Variants in DUS2 observed in about 807,000 individuals in gnomAD.
DUS2 encodes tRNA-dihydrouridine(20) synthase [NAD(P)+]-like.
Under a neutral mutation model 71.3 loss-of-function variants are expected in DUS2, and 52 were observed. The observed-to-expected ratio is 0.73, with a 90% CI of 0.58 to 0.92. The LOEUF is 0.92. Ranked by LOEUF, DUS2 falls within the 40% of genes least tolerant of loss-of-function variation. The probability of loss-of-function intolerance (pLI) is 0.00; values close to 1 mark genes in which losing one functional copy is unlikely to be tolerated. For synonymous variants in DUS2, 204 were observed against 227.8 expected (o/e 0.90, Z 0.94); for missense variants, 558 against 622.6 (o/e 0.90, Z 1.10).
chr16:68,034,588 A>T (rs1461330096), intron 2 of DUS2, among the ~76,000 whole-genome samples: 2 of 151,834 alleles, frequency 1.3e-5, no homozygotes, highest in Non-Finnish European at 2.9e-5. Context: ...CTTGTCTCAA[A>T]CTCCTGAGCT....
chr16:68,048,719 T>C (rs959187680), intron 3 of DUS2, among the ~76,000 whole-genome samples: 3 of 152,124 alleles, frequency 2.0e-5, no homozygotes, highest in Non-Finnish European at 2.9e-5. Context: ...CTGGGGCTCA[T>C]AGGGAGTCAG....
At position 68,061,047 on chromosome 16, in the gene DUS2, T is replaced by G. The variant is rs765562701; in HGVS notation, c.370-19T>G. 6.2e-7 allele frequency: 1 copy of G among 1,613,158 alleles called. No individual in the cohort carries two copies. Among genetic ancestry groups the G allele is most frequent in the Non-Finnish European group, 8.5e-7 (1 of 1,179,398 alleles). ...GTGTCTCCCAGATGTAAGAAGACCT[T>G]TTGTGTGTTTCTCCTTAGGGAGGAA... On this transcript the variant is annotated intron_variant, in intron 7 of 16. Coordinates refer to ENST00000565263, the MANE Select transcript of DUS2 (RefSeq NM_017803.5).
chr16:68,049,457 A>C (rs1246634305), intron 3 of DUS2, 48 bp from the exon 4 acceptor site: 1 of 1,602,714 alleles, frequency 6.2e-7, no homozygotes, highest in East Asian at 2.2e-5. Context: ...CTTCATGCCC[A>C]GAGCCTACAT....
chr16:68,053,019 A>G (rs1347021579), intron 4 of DUS2, among the ~76,000 whole-genome samples: 8 of 144,750 alleles, frequency 5.5e-5, no homozygotes, highest in African/African-American at 1.8e-4. Flanking sequence ...CTGGAGTGCA[A>G]TGGCGCGATC....
intron 7 of DUS2, 139 bp downstream of exon 7, chr16:68,056,563 G>T: frequency 1.5e-6 from 1 of 653,872 alleles, no homozygotes; most frequent in Non-Finnish European, 2.7e-6. Flanking sequence ...ATCGTTAGAT[G>T]AACTGACAAC....
intron 2 of DUS2, among the ~76,000 whole-genome samples, chr16:68,031,136 A>T (rs1174826885): frequency 1.3e-5 from 2 of 151,682 alleles, no homozygotes; most frequent in Non-Finnish European, 2.9e-5. Context: ...ACTGAAGACA[A>T]CTCTGGCTTT....
intron 3 of DUS2, among the ~76,000 whole-genome samples, chr16:68,044,360 A>G (rs1407054505): frequency 2.0e-5 from 3 of 151,776 alleles, no homozygotes; most frequent in African/African-American, 7.3e-5. Context: ...CCAATCCATG[A>G]ACATGAGATG....
rs540350075 is a variant in DUS2, at chr16:68,043,988, A to C, written c.127-5517A>C. Among the ~76,000 whole-genome samples the C allele has an allele frequency of 3.9e-5, 6 of 152,186 alleles. No homozygotes were observed. In the South Asian group the frequency reaches 1.2e-3, roughly 32 times the overall value. On this transcript the variant is annotated intron_variant, in intron 3 of 16. Transcript: ENST00000565263. ...TCTGTGCTCTTGTAAAAAATCAATTAATCATAGATGTTTTGATTTGATTTA... is the reference window on the plus strand; with the variant it reads ...TCTGTGCTCTTGTAAAAAATCAATTCATCATAGATGTTTTGATTTGATTTA...
rs556536835 is a variant in DUS2 at position 68,052,059 on chromosome 16, C to T, written c.173-1505C>T. Among the ~76,000 whole-genome samples the T allele has an allele frequency of 2.0e-5, 3 of 152,120 alleles. No individual in the cohort carries two copies. The East Asian group carries it at 5.8e-4, about 29-fold the overall frequency. On this transcript the variant is annotated intron_variant, in intron 4 of 16. Transcript: ENST00000565263. Reference sequence around the variant, plus strand: ...GACTACAGGTGTGTGCCACCACACCCAGCTAATTTTTTTTTTTGTATTTTA... The same window carrying T: ...GACTACAGGTGTGTGCCACCACACCTAGCTAATTTTTTTTTTTGTATTTTA...
At chr16:68,070,742 A>G (rs1361704146) in intron 11 of DUS2, among the ~76,000 whole-genome samples, 198 bp from the exon 12 acceptor site, 1 of 152,230 alleles carries the variant, frequency 6.6e-6, no homozygotes, top group Non-Finnish European at 1.5e-5. Flanking sequence ...GGCACTCTAC[A>G]TGTATTATCT....
At chr16:68,054,641 C>T (rs774817124) in intron 6 of DUS2, 24 bp downstream of exon 6, 1 of 1,614,092 alleles carries the variant, frequency 6.2e-7, no homozygotes, top group Non-Finnish European at 8.5e-7. Flanking sequence ...CTGTCTTTAG[C>T]ACTGCCTTTG....
chr16:68,075,313 C>G, intron 13 of DUS2, 42 bp from the exon 14 acceptor site: 1 of 1,506,472 alleles, frequency 6.6e-7, no homozygotes, highest in Non-Finnish European at 8.9e-7. Flanking sequence ...TGGATGCTGG[C>G]TCCGCTAAAG....
intron 10 of DUS2, 66 bp downstream of exon 10, chr16:68,066,702 T>C (rs2034009872): frequency 6.6e-7 from 1 of 1,516,174 alleles, no homozygotes; most frequent in African/African-American, 1.4e-5. Context: ...CCTTCCTTAA[T>C]TGATCTGTCA....
intron 8 of DUS2, 71 bp from the exon 9 acceptor site, chr16:68,066,246 G>A (rs1054323473): frequency 7.1e-7 from 1 of 1,399,788 alleles, no homozygotes; most frequent in African/African-American, 1.4e-5. Context: ...CTGTAGCGGA[G>A]TTAATTAGTA....
intron 5 of DUS2, 165 bp downstream of exon 5, chr16:68,053,820 A>G (rs1015532964): frequency 7.8e-6 from 5 of 644,038 alleles, no homozygotes; most frequent in Non-Finnish European, 1.1e-5. Context: ...GTCATGAGTA[A>G]TTATACTATT....
At chr16:68,047,919 C>T (rs1567474361) in intron 3 of DUS2, among the ~76,000 whole-genome samples, 1 of 151,792 alleles carries the variant, frequency 6.6e-6, no homozygotes, top group Non-Finnish European at 1.5e-5. Flanking sequence ...TAGCTGGGAC[C>T]ACAGGCACAT....
chr16:68,063,723 A>ATATT (rs2033970725), intron 8 of DUS2, among the ~76,000 whole-genome samples: 1 of 151,794 alleles, frequency 6.6e-6, no homozygotes, highest in Admixed American at 6.6e-5. Context: ...ATTTTTTTAA[A>ATATT]TATTTATTTA....
chr16:68,070,072 C>G (rs2034061758), intron 10 of DUS2, 62 bp from the exon 11 acceptor site: 6 of 1,475,494 alleles, frequency 4.1e-6, no homozygotes, highest in East Asian at 2.3e-5. Context: ...TGAGGTAACC[C>G]TGTGTGAGTG....
At chr16:68,056,332 C>T (rs1473625583) in intron 6 of DUS2, 32 bp from the exon 7 acceptor site, 1 of 1,597,824 alleles carries the variant, frequency 6.3e-7, no homozygotes, top group Non-Finnish European at 8.6e-7. Flanking sequence ...TAATTCAATA[C>T]TTATTACCTT....
Sources: allele counts gnomAD v4.1 joint callset (sites outside exome capture counted in the v4.1 genomes callset), GRCh38; gene constraint gnomAD v4.1.1; transcripts MANE v1.5; gene names NCBI Gene and HGNC (gene_info 2026-07-23, HGNC 2026-07-21).